REC8: variants seen among roughly 807,000 people sequenced by gnomAD.
REC8 encodes the protein meiotic recombination protein REC8 homolog.
REC8 carries 42 observed loss-of-function variants against 78.3 expected under a neutral mutation model. The observed-to-expected ratio is 0.54, with a 90% CI of 0.42 to 0.69. The LOEUF (loss-of-function observed/expected upper bound fraction) is 0.69. REC8 is among the 30% of genes least tolerant of loss of function. The probability of loss-of-function intolerance (pLI) is 0.00; values close to 1 mark genes in which losing one functional copy is unlikely to be tolerated. For missense variants in REC8, 581 were observed against 715.8 expected (o/e 0.81, Z 2.15); for synonymous variants, 268 against 274.1 (o/e 0.98, Z 0.22).
chr14:24,175,516 T>C, intron 5 of REC8, 27 bp from the exon 6 acceptor site: 2 of 1,586,158 alleles, frequency 1.3e-6, no homozygotes, highest in Middle Eastern at 1.7e-4. Flanking sequence ...CTGAACCCTA[T>C]CTTTTGTTTC....
Position 24,176,907 on chromosome 14 carries a change from T to C in REC8, c.624+6T>C, listed in dbSNP as rs372009495. The C allele has an allele frequency of 6.8e-6, 11 of 1,610,084 alleles. No homozygotes were observed. Among genetic ancestry groups the C allele is most frequent in the Non-Finnish European group, 9.3e-6 (11 of 1,177,036 alleles). The stretch of plus-strand genomic sequence containing the variant: ...TACGGATGCTGGAGATTGAGGTGAG[T>C]TCCCCTGCACACAGGGCCTGAGGTC... On this transcript the variant is annotated splice_donor_region_variant and intron_variant, in intron 7 of 18. Transcript: ENST00000611366.
rs532503774 is a variant in REC8, at chr14:24,180,002, T to C, written c.1559-8T>C. 62 of 1,614,164 alleles carry C rather than the reference T, an allele frequency of 3.8e-5. No individual in the cohort carries two copies. The Admixed American group carries it at 8.7e-4, about 23-fold the overall frequency. On this transcript the variant is annotated splice_polypyrimidine_tract_variant and splice_region_variant and intron_variant, in intron 18 of 18. Coordinates refer to ENST00000611366, the MANE Select transcript of REC8 (RefSeq NM_001048205.2). The stretch of plus-strand genomic sequence containing the variant: ...CCCCGACCTGCCCTCTCCTCGCCTC[T>C]TGACCAGTGCTCTCAGCGCAACAGA...
intron 5 of REC8, 35 bp downstream of exon 5, chr14:24,173,446 A>G (rs746474486): frequency 1.7e-5 from 28 of 1,611,922 alleles, no homozygotes; most frequent in South Asian, 3.3e-5. Context: ...TGAATTGGCA[A>G]TGCAGAAGGG....
chr14:24,178,138 G>C lies in REC8; in HGVS notation c.912G>C (p.Arg304=). The part of the protein sequence containing the change: ...PPPPRRRRRR[R]LLFWDKETQI... Reference sequence around the variant, plus strand: ...CTCCTCGCCGCCGCCGTCGTCGCCGGTTACTGTTCTGGGACAAGGAGACTC... The same window carrying C: ...CTCCTCGCCGCCGCCGTCGTCGCCGCTTACTGTTCTGGGACAAGGAGACTC... Residue 304 remains arginine, a synonymous_variant, in exon 12 of 19, where the codon CGG becomes CGC. Coordinates refer to ENST00000611366, the MANE Select transcript of REC8 (RefSeq NM_001048205.2). The C allele has an allele frequency of 6.2e-7, 1 of 1,614,002 alleles. No homozygotes were observed. The highest frequency in any genetic ancestry group is 8.5e-7 in the Non-Finnish European group (1 of 1,179,954).
intron 15 of REC8, 90 bp downstream of exon 15, chr14:24,179,223 G>A: frequency 7.9e-7 from 1 of 1,261,170 alleles, no homozygotes; most frequent in Non-Finnish European, 1.1e-6. Context: ...TGTTTTATGA[G>A]TGAAGGCGTG....
rs561304496 is a variant in REC8 at position 24,179,459 on chromosome 14, C to T, written c.1315C>T (p.Arg439Trp). ...SRISLIPPEE[R>W]WAWPEVEAPE... Reference sequence around the variant, plus strand: ...CATCAGCCTCATCCCACCAGAAGAACGGTGGTAAGCGGCCAGGCTCCGTGG... The same window carrying T: ...CATCAGCCTCATCCCACCAGAAGAATGGTGGTAAGCGGCCAGGCTCCGTGG... Residue 439 changes from arginine to tryptophan, a missense_variant, in exon 16 of 19, where the codon CGG becomes TGG. By Grantham distance (101) the Arg-to-Trp change is moderately radical. Transcript: ENST00000611366. 28 of 1,614,084 alleles carry T rather than the reference C, an allele frequency of 1.7e-5. No homozygotes were observed. Among genetic ancestry groups the T allele is most frequent in the African/African-American group, 6.7e-5 (5 of 75,050 alleles).
Position 24,179,919 on chromosome 14 carries a change from A to ATGTGTGTG in REC8, c.1558+19_1558+26dup, listed in dbSNP as rs141999393. 35 of 1,612,170 alleles carry ATGTGTGTG rather than the reference A, an allele frequency of 2.2e-5. No homozygotes were observed. Among genetic ancestry groups the ATGTGTGTG allele is most frequent in the Non-Finnish European group, 2.8e-5 (33 of 1,178,890 alleles). On this transcript the variant is annotated intron_variant, in intron 18 of 18. Transcript: ENST00000611366. ...TACCTGCTCCTGGGTGAGTGTATGC[A>ATGTGTGTG]TGTGTGTGTGTGTATGTGGGGCAGG...
In REC8 at chr14:24,173,053, A is replaced by G; in HGVS notation, c.268+12A>G. On this transcript the variant is annotated intron_variant, in intron 3 of 18. Transcript: ENST00000611366. ...CCAGTACCTCGTGGGTAAGGCTGGG[A>G]ACCCTCAAAGGTGGGGCGGGCTGAG... 6.2e-6 allele frequency: 10 copies of G among 1,610,466 alleles called. No individual in the cohort carries two copies. The highest frequency in any genetic ancestry group is 8.5e-6 in the Non-Finnish European group (10 of 1,179,992).
Position 24,177,731 on chromosome 14 carries a change from G to A in REC8, c.837G>A (p.Leu279=), listed in dbSNP as rs951875103. ...LLMEVTPPEE[L]RLPAPPSPER... ...CAGAGGTGACCCCCCCGGAGGAGCT[G>A]CGTCTGCCAGCCCCACCCAGCCCAG... Residue 279 remains leucine (L), a synonymous_variant, in exon 11 of 19, where the codon CTG becomes CTA. Coordinates refer to ENST00000611366, the MANE Select transcript of REC8 (RefSeq NM_001048205.2). 4.3e-6 allele frequency: 7 copies of A among 1,610,804 alleles called. No individual in the cohort carries two copies. The highest frequency in any genetic ancestry group is 5.9e-6 in the Non-Finnish European group (7 of 1,178,466).
At chr14:24,180,433 G>A, downstream of REC8, 1 of 1,603,310 alleles carries the variant, frequency 6.2e-7, no homozygotes, top group Non-Finnish European at 8.5e-7. Context: ...ACTGGCTGCA[G>A]CCTGCAGTCT....
Position 24,173,206 on chromosome 14 carries a change from T to C in REC8, c.341+8T>C. The C allele has an allele frequency of 6.2e-7, 1 of 1,614,214 alleles. No individual in the cohort carries two copies. The highest frequency in any genetic ancestry group is 8.5e-7 in the Non-Finnish European group (1 of 1,180,026). Reference sequence around the variant, plus strand: ...AGATATGGAGACTGAGCTGTGAGTGTGCCCTGGGCCTTTGATGGAACACCT... The same window carrying C: ...AGATATGGAGACTGAGCTGTGAGTGCGCCCTGGGCCTTTGATGGAACACCT... On this transcript the variant is annotated splice_region_variant and intron_variant, in intron 4 of 18. Coordinates refer to ENST00000611366, the MANE Select transcript of REC8 (RefSeq NM_001048205.2).
At chr14:24,180,422 G>C, downstream of REC8, 2 of 1,600,060 alleles carry the variant, frequency 1.2e-6, no homozygotes, top group African/African-American at 2.7e-5. Context: ...ATTCTCTCTG[G>C]ACTGGCTGCA....
At chr14:24,176,612 C>T (rs1297236343) in intron 6 of REC8, among the ~76,000 whole-genome samples, 1 of 152,152 alleles carries the variant, frequency 6.6e-6, no homozygotes, top group Non-Finnish European at 1.5e-5. Flanking sequence ...CAGGTGTGAG[C>T]CACTTCGCCC....
intron 5 of REC8, among the ~76,000 whole-genome samples, chr14:24,173,845 TTC>T (rs1196933198): frequency 1.3e-5 from 2 of 152,102 alleles, no homozygotes; most frequent in African/African-American, 4.8e-5. Flanking sequence ...CCCCATTTAT[TTC>T]TTTTTTTATT....
rs746442863 is a variant in REC8, at chr14:24,177,663, A to G, written c.815-46A>G. 8.2e-6 allele frequency: 13 copies of G among 1,586,508 alleles called. No individual in the cohort carries two copies. In the South Asian group the frequency reaches 1.4e-4, roughly 17 times the overall value. On this transcript the variant is annotated intron_variant, in intron 10 of 18. Coordinates refer to ENST00000611366, the MANE Select transcript of REC8 (RefSeq NM_001048205.2). ...GCAGTTTCTTGCCCTGGCATCTGCA[A>G]GGGGTAAGGGGCTTATGGGACAGAG...
intron 12 of REC8, 150 bp downstream of exon 12, chr14:24,178,372 C>G (rs138337572): frequency 2.4e-6 from 2 of 823,300 alleles, no homozygotes; most frequent in African/African-American, 1.7e-5. Context: ...AAAATGCAGG[C>G]GATGTGGGTT....
Position 24,179,869 on chromosome 14 carries a change from C to G in REC8, c.1521C>G (p.Pro507=). ...GCAGCCTGGTGTCACCTCTCAGCCC[C>G]CGCAGGATGGCTGCCCGGGTCTTCT... ...DFSSLVSPLS[P]RRMAARVFYL... The change falls in exon 18 of 19, where the codon CCC becomes CCG. Residue 507 remains proline (P), a synonymous_variant. Coordinates refer to ENST00000611366, the MANE Select transcript of REC8 (RefSeq NM_001048205.2). 6.2e-7 allele frequency: 1 copy of G among 1,613,904 alleles called. No individual in the cohort carries two copies. The highest frequency in any genetic ancestry group is 1.7e-5 in the Admixed American group (1 of 60,008).
Position 24,178,227 on chromosome 14 carries a change from G to A in REC8, c.996+5G>A, listed in dbSNP as rs1222772242. 1.9e-6 allele frequency: 3 copies of A among 1,612,824 alleles called. No homozygotes were observed. The highest frequency in any genetic ancestry group is 1.1e-5 in the South Asian group (1 of 91,040). ...AGAGCCCACTGCTGGGAATGTGTGA[G>A]TGCAGCCCAGGCTTTGCCGGGGAAG... On this transcript the variant is annotated splice_donor_5th_base_variant and intron_variant, in intron 12 of 18. Coordinates refer to ENST00000611366, the MANE Select transcript of REC8 (RefSeq NM_001048205.2).
In REC8 at chr14:24,178,071, C is replaced by T; in HGVS notation, c.865-20C>T. Reference sequence around the variant, plus strand: ...GAGTAATGGGCAGCCTTGCCCCTACCTGCCCTCCCCACTCAACAGAGGAGG... The same window carrying T: ...GAGTAATGGGCAGCCTTGCCCCTACTTGCCCTCCCCACTCAACAGAGGAGG... On this transcript the variant is annotated intron_variant, in intron 11 of 18. Coordinates refer to ENST00000611366, the MANE Select transcript of REC8 (RefSeq NM_001048205.2). 1 of 1,608,192 alleles carries T rather than the reference C, an allele frequency of 6.2e-7. No individual in the cohort carries two copies. The highest frequency in any genetic ancestry group is 1.1e-5 in the South Asian group (1 of 90,662).
Sources: allele counts gnomAD v4.1 joint callset (sites outside exome capture counted in the v4.1 genomes callset), GRCh38; gene constraint gnomAD v4.1.1; transcripts MANE v1.5; gene names NCBI Gene and HGNC (gene_info 2026-07-23, HGNC 2026-07-21).